Variants in IL34 observed in about 807,000 individuals in gnomAD.
The protein encoded by IL34 is interleukin 34.
A neutral mutation model predicts 25.3 loss-of-function variants in IL34; 17 were observed. The ratio of observed to expected loss-of-function variants is 0.67; its 90% CI spans 0.46 to 1.01. IL34 has a LOEUF of 1.01. IL34 is among the 50% of genes least tolerant of loss of function. The pLI is 0.00. For missense variants in IL34, 368 were observed against 312.9 expected (o/e 1.18, Z -1.33); for synonymous variants, 174 against 140.9 (o/e 1.23, Z -1.66).
intron 1 of IL34, among the ~76,000 whole-genome samples, chr16:70,633,785 C>T (rs2051574077): frequency 1.3e-5 from 2 of 152,050 alleles, no homozygotes; most frequent in African/African-American, 4.8e-5. Context: ...TGTACAATTC[C>T]TGGTGCTGTG....
chr16:70,632,934 C>A (rs930585162), intron 1 of IL34, among the ~76,000 whole-genome samples: 1 of 152,196 alleles, frequency 6.6e-6, no homozygotes, highest in African/African-American at 2.4e-5. Flanking sequence ...GTATAACTTA[C>A]TTAAAATAAA....
chr16:70,653,346 C>CAAAAAAA (rs200626111), intron 1 of IL34, among the ~76,000 whole-genome samples: 42 of 86,882 alleles, frequency 4.8e-4, no homozygotes, highest in Middle Eastern at 7.7e-3. Flanking sequence ...AACCCTGTCT[C>CAAAAAAA]AAAAAAAAAA....
At chr16:70,640,515 T>A (rs1028230386) in intron 1 of IL34, among the ~76,000 whole-genome samples, 1 of 151,754 alleles carries the variant, frequency 6.6e-6, no homozygotes, top group Non-Finnish European at 1.5e-5. Context: ...TCCCAGCTAC[T>A]TGGGACGCTG....
intron 1 of IL34, among the ~76,000 whole-genome samples, chr16:70,638,882 AGTTT>A (rs2051717797): frequency 6.6e-6 from 1 of 152,184 alleles, no homozygotes; most frequent in Non-Finnish European, 1.5e-5. Context: ...GCACCAGCCC[AGTTT>A]GTTTGTTTTT....
chr16:70,621,198 C>T (rs1032378620), intron 1 of IL34, among the ~76,000 whole-genome samples: 11 of 152,000 alleles, frequency 7.2e-5, no homozygotes, highest in Admixed American at 1.3e-4. Context: ...CCAAGGCAGG[C>T]GTCCCTGCAT....
chr16:70,655,735 G>C, intron 2 of IL34, among the ~76,000 whole-genome samples: 1 of 151,990 alleles, frequency 6.6e-6, no homozygotes. Context: ...TAGAGACAGG[G>C]TGTCACTCTG....
chr16:70,659,348 C>A (rs900478680), intron 4 of IL34, among the ~76,000 whole-genome samples: 1 of 152,230 alleles, frequency 6.6e-6, no homozygotes, highest in Non-Finnish European at 1.5e-5. Flanking sequence ...GCCCCACTTT[C>A]CTCACTGTCC....
chr16:70,655,632 T>C lies in IL34; in HGVS notation c.162+961T>C, dbSNP rs530235617. ...GTCTTGAACTCCTGGGCTCAAGCAA[T>C]ATGCCCACCTTGGCCTCCCAAAGTG... On this transcript the variant is annotated intron_variant, in intron 2 of 5. Coordinates refer to ENST00000288098, the MANE Select transcript of IL34 (RefSeq NM_001393494.1). Among the ~76,000 whole-genome samples, 5 of 152,248 alleles carry C rather than the reference T, an allele frequency of 3.3e-5. No individual in the cohort carries two copies. In the South Asian group the frequency reaches 8.3e-4, roughly 25 times the overall value.
chr16:70,638,112 C>T (rs1442424959), intron 1 of IL34, among the ~76,000 whole-genome samples: 3 of 152,196 alleles, frequency 2.0e-5, no homozygotes, highest in African/African-American at 7.2e-5. Context: ...CCCATGCACT[C>T]TGCCAGAAGC....
chr16:70,646,146 G>T (rs558612520), upstream of IL34, among the ~76,000 whole-genome samples: 1 of 151,806 alleles, frequency 6.6e-6, no homozygotes, highest in Admixed American at 6.6e-5. Context: ...CTGGGCTCAC[G>T]CAATCCTCCC....
At chr16:70,625,579 A>G (rs1333397854) in intron 1 of IL34, among the ~76,000 whole-genome samples, 1 of 152,118 alleles carries the variant, frequency 6.6e-6, no homozygotes. Flanking sequence ...GTGAAGGACC[A>G]AGGCAGGCAT....
At chr16:70,585,701 ATT>A (rs370343116) in intron 1 of IL34, among the ~76,000 whole-genome samples, 2 of 142,752 alleles carry the variant, frequency 1.4e-5, no homozygotes, top group African/African-American at 2.6e-5. Context: ...AAAAAAAAAA[ATT>A]TTTTTTTTTT....
intron 1 of IL34, among the ~76,000 whole-genome samples, chr16:70,649,473 C>T (rs2052024731): frequency 6.6e-6 from 1 of 152,210 alleles, no homozygotes; most frequent in South Asian, 2.1e-4. Context: ...AATGCTGCTT[C>T]TGCCCCGTCC....
rs1358470333 is a variant in IL34 at position 70,608,114 on chromosome 16, ATTTTCTT to A, written c.-401+28077_-401+28083del. ...TTAACATGGTGAATTATGATGATTG[ATTTTCTT>A]TTTTCTTTTTTTTTTTTTTTTTTTT... On this transcript the variant is annotated intron_variant, in intron 1 of 6. Transcript: ENST00000429149. Among the ~76,000 whole-genome samples the A allele has an allele frequency of 2.2e-3, 152 of 70,076 alleles. 1 individual carries two copies. The highest frequency in any genetic ancestry group is 9.2e-3 in the African/African-American group (146 of 15,810). 46.0% of individuals were successfully genotyped at this position (70,076 alleles called of 152,430 possible).
At chr16:70,594,861 C>T (rs1253005053) in intron 1 of IL34, among the ~76,000 whole-genome samples, 4 of 151,842 alleles carry the variant, frequency 2.6e-5, no homozygotes, top group African/African-American at 9.7e-5. Context: ...TGCCAGTCTA[C>T]TCTGGGCAGA....
intron 1 of IL34, among the ~76,000 whole-genome samples, chr16:70,586,686 C>T (rs2050698694): frequency 6.6e-6 from 1 of 152,128 alleles, no homozygotes; most frequent in Non-Finnish European, 1.5e-5. Context: ...ATGGCAGGCA[C>T]CGTCCTGGAC....
At position 70,654,668 on chromosome 16, in the gene IL34, C is replaced by T. The variant is rs1390301017; in HGVS notation, c.159C>T (p.Tyr53=). 5.1e-5 allele frequency: 81 copies of T among 1,602,502 alleles called. No homozygotes were observed. The highest frequency in any genetic ancestry group is 6.7e-5 in the Non-Finnish European group (78 of 1,171,128). ...TGCAGTACAGGAGCCGACTTCAGTA[C>T]ATGGTAACCACGTGGGCACCAGCTG... ...DKLQYRSRLQ[Y]MKHYFPINYK... The change falls in exon 2 of 6, where the codon TAC becomes TAT. Residue 53 remains tyrosine (Y), a synonymous_variant. Coordinates refer to ENST00000288098, the MANE Select transcript of IL34 (RefSeq NM_001393494.1).
chr16:70,605,224 C>G (rs948626633), intron 1 of IL34, among the ~76,000 whole-genome samples: 2 of 152,102 alleles, frequency 1.3e-5, no homozygotes, highest in African/African-American at 4.8e-5. Context: ...AGAAGAAAGG[C>G]TGTTGTGAGT....
chr16:70,605,979 T>TG (rs1204204152), intron 1 of IL34, among the ~76,000 whole-genome samples: 5 of 151,320 alleles, frequency 3.3e-5, no homozygotes, highest in Admixed American at 3.3e-4. Context: ...GTTTTTTTTT[T>TG]TTTTTTTTTT....
Sources: gnomAD v4.1 joint callset for allele counts (sites outside exome capture counted in the v4.1 genomes callset) on GRCh38, gnomAD v4.1.1 for gene constraint, MANE v1.5 for transcripts, NCBI Gene and HGNC (gene_info 2026-07-23, HGNC 2026-07-21) for gene names.